The following DOK3 variants were observed in gnomAD, a reference collection of about 807,000 sequenced individuals.
DOK3 encodes the protein Dok-like protein.
DOK3 carries 23 observed loss-of-function variants against 26.2 expected under a neutral mutation model. That is an observed-to-expected ratio of 0.88 (90% CI 0.63 to 1.24). The LOEUF (loss-of-function observed/expected upper bound fraction) is 1.24, where lower values mean the gene tolerates loss of function less well. Among genes scored for constraint, DOK3 ranks in the 50% most tolerant of loss-of-function variants. The pLI is 0.00. For synonymous variants in DOK3, 268 were observed against 268.2 expected (o/e 1.00, Z 0.01); for missense variants, 619 against 610.6 (o/e 1.01, Z -0.15).
chr5:177,509,396 T>A, intron 2 of DOK3, 79 bp downstream of exon 2: 2 of 1,531,032 alleles, frequency 1.3e-6, no homozygotes, highest in Non-Finnish European at 1.8e-6. Flanking sequence ...CTGCCTGGGC[T>A]GTCCGAGGCA....
rs1450419965 is a variant in DOK3, at chr5:177,508,304, C to T, written c.305G>A (p.Arg102Gln). 5.1e-6 allele frequency: 8 copies of T among 1,582,190 alleles called. No individual in the cohort carries two copies. The highest frequency in any genetic ancestry group is 2.3e-5 in the East Asian group (1 of 44,108). Reference protein sequence around the residue: ...TGAFLLTTTERSHLLAAQHRQ... With the variant: ...TGAFLLTTTEQSHLLAAQHRQ... ...GTGCTGAGCAGCCAGTAGATGGCTT[C>T]GCTCGGTGGTGGTGAGCAGGAAGGC... Residue 102 changes from arginine (R) to glutamine (Q), a missense_variant, in exon 3 of 6, where the codon CGA becomes CAA. Arg to Gln is a conservative substitution (Grantham distance 43). Coordinates refer to ENST00000510898, the MANE Select transcript of DOK3 (RefSeq NM_001308236.3).
intron 3 of DOK3, 25 bp downstream of exon 3, chr5:177,508,212 T>C: frequency 7.6e-7 from 1 of 1,307,764 alleles, no homozygotes; most frequent in East Asian, 2.9e-5. Context: ...CCCAGCCCAA[T>C]CGCCCCCCTG....
chr5:177,502,346 G>C lies in DOK3; in HGVS notation c.*1637C>G, dbSNP rs780007200. On this transcript the variant is annotated 3_prime_UTR_variant, in exon 6 of 6. Coordinates refer to ENST00000510898, the MANE Select transcript of DOK3 (RefSeq NM_001308236.3). ...GAAACAGAGGTGGCCGAAGAGGAAT[G>C]TGAGGTCAAGGGAAGGTTTAAAATG... is the stretch of plus-strand genomic sequence containing the variant. The C allele has an allele frequency of 6.6e-6, 1 of 152,432 alleles. No homozygotes were observed. Among genetic ancestry groups the C allele is most frequent in the East Asian group, 1.9e-4 (1 of 5,188 alleles). The allele number at this position is 152,432 out of a possible 1,614,324, so 9.4% of individuals were successfully genotyped here.
In DOK3 at chr5:177,502,944, C is replaced by T. The variant is rs747755116; in HGVS notation, c.*1039G>A. ...TCGACATGCCTAGGCAGGGGCGGTA[C>T]TGGCCGCACTAAAGGAAGTGAGCTG... On this transcript the variant is annotated 3_prime_UTR_variant, in exon 6 of 6. Transcript: ENST00000510898. The T allele has an allele frequency of 6.3e-6, 7 of 1,106,618 alleles. No homozygotes were observed. Among genetic ancestry groups the T allele is most frequent in the Non-Finnish European group, 8.9e-6 (7 of 785,110 alleles). 68.5% of individuals were successfully genotyped at this position (1,106,618 alleles called of 1,614,324 possible).
rs1759529722 is a variant in DOK3, at chr5:177,503,175, AGG to A, written c.*806_*807del. 3.9e-5 allele frequency: 56 copies of A among 1,433,204 alleles called. No individual in the cohort carries two copies. Among genetic ancestry groups the A allele is most frequent in the Non-Finnish European group, 5.3e-5 (55 of 1,047,492 alleles). 88.8% of individuals were successfully genotyped at this position (1,433,204 alleles called of 1,614,324 possible). On this transcript the variant is annotated 3_prime_UTR_variant, in exon 6 of 6. Transcript: ENST00000510898. ...ATGGCGCCAGGAGCAGGAGCAGAGG[AGG>A]GAACGCAGCATGGAAGTCTTCAGGA...
At chr5:177,507,865 G>A (rs1022998390) in intron 3 of DOK3, among the ~76,000 whole-genome samples, 3 of 152,116 alleles carry the variant, frequency 2.0e-5, no homozygotes, top group Non-Finnish European at 1.5e-5. Context: ...CAGCCACGTC[G>A]CCTTCTTTCT....
At chr5:177,508,211 A>G (rs1157617294) in intron 3 of DOK3, 26 bp downstream of exon 3, 20 of 1,311,264 alleles carry the variant, frequency 1.5e-5, no homozygotes, top group Admixed American at 1.1e-4. Context: ...CCCCAGCCCA[A>G]TCGCCCCCCT....
In DOK3 at chr5:177,504,073, G is replaced by A. The variant is rs774135464; in HGVS notation, c.1233C>T (p.Arg411=). Residue 411 remains arginine, a synonymous_variant, in exon 6 of 6, where the codon CGC becomes CGT. Coordinates refer to ENST00000510898, the MANE Select transcript of DOK3 (RefSeq NM_001308236.3). ...CCTTGAAACCTGCCTGAGGGTCAGG[G>A]CGGCCTGTGCCCTCCACCTGATCCA... ...LELDQVEGTG[R]PDPQAGFKAK... 1.2e-6 allele frequency: 2 copies of A among 1,609,164 alleles called. No homozygotes were observed. Among genetic ancestry groups the A allele is most frequent in the Admixed American group, 1.7e-5 (1 of 59,520 alleles).
In DOK3 at chr5:177,505,074, G is replaced by A. The variant is rs757712180; in HGVS notation, c.409C>T (p.Gln137Ter). ...GGGACCAGGCCCCTCTTGGGAGACT[G>A]GGCATCTGTGGATCCTGAGGAGGCC... ...GEASSGSTDA[Q>*]SPKRGLVPME... Residue 137 changes from glutamine to a stop codon, truncating the protein, a stop_gained, in exon 4 of 6, where the codon CAG becomes TAG. Transcript: ENST00000510898. LOFTEE classifies it high-confidence loss of function. 6.2e-7 allele frequency: 1 copy of A among 1,612,176 alleles called. No homozygotes were observed. Among genetic ancestry groups the A allele is most frequent in the South Asian group, 1.1e-5 (1 of 90,852 alleles).
At position 177,504,762 on chromosome 5, in the gene DOK3, C is replaced by A. The variant is rs1472702116; in HGVS notation, c.626G>T (p.Arg209Leu). The A allele has an allele frequency of 2.5e-6, 4 of 1,613,930 alleles. No individual in the cohort carries two copies. In the Admixed American group the frequency reaches 6.7e-5, roughly 27 times the overall value. ...CCTCACCTTGTCGGAGCCGAACTTGCGCAGGAAGTGGTAGGGCCAGCTGTA... is the reference window on the plus strand; with the variant it reads ...CCTCACCTTGTCGGAGCCGAACTTGAGCAGGAAGTGGTAGGGCCAGCTGTA... ...ALYSWPYHFL[R>L]KFGSDKGVFS... The change falls in exon 5 of 6, where the codon CGC becomes CTC. Residue 209 changes from arginine to leucine, a missense_variant. Arg to Leu is a moderately radical substitution (Grantham distance 102). Transcript: ENST00000510898.
In DOK3 at chr5:177,502,596, A is replaced by G. The variant is rs571426720; in HGVS notation, c.*1387T>C. 4.9e-5 allele frequency: 8 copies of G among 162,902 alleles called. No homozygotes were observed. In the East Asian group the frequency reaches 1.3e-3, roughly 26 times the overall value. 10.1% of individuals were successfully genotyped at this position (162,902 alleles called of 1,614,324 possible). A position where few individuals can be genotyped will look rare whatever the true frequency, so the allele number is the denominator to read the frequency against. ...TGGGAGAGCCCGACCTGTTTCCCCA[A>G]TATGCCTGTGAGGAGACATTGGGTG... On this transcript the variant is annotated 3_prime_UTR_variant, in exon 6 of 6. Coordinates refer to ENST00000510898, the MANE Select transcript of DOK3 (RefSeq NM_001308236.3).
intron 2 of DOK3, chr5:177,508,753 T>A (rs984092401): frequency 8.4e-6 from 4 of 478,492 alleles, no homozygotes; most frequent in Middle Eastern, 5.4e-4. Flanking sequence ...AACTGTGACC[T>A]CCACAAGCAT....
At chr5:177,506,766 G>A (rs1368821048) in intron 3 of DOK3, among the ~76,000 whole-genome samples, 2 of 135,494 alleles carry the variant, frequency 1.5e-5, no homozygotes, top group South Asian at 2.3e-4. Flanking sequence ...TCGGCTCACC[G>A]CAACCTCTGC....
At chr5:177,508,815 G>A (rs1760586513) in intron 2 of DOK3, 3 of 398,188 alleles carry the variant, frequency 7.5e-6, no homozygotes, top group Non-Finnish European at 9.0e-6. Context: ...CTGCTACTGG[G>A]TCATGTTTGT....
At chr5:177,509,296 T>C in intron 2 of DOK3, 179 bp downstream of exon 2, 1 of 724,066 alleles carries the variant, frequency 1.4e-6, no homozygotes, top group South Asian at 2.0e-5. Context: ...GCTCAGCCCC[T>C]GCCGTCTCAG....
chr5:177,509,666 C>G lies in DOK3; in HGVS notation c.-117-9G>C, dbSNP rs375407747. On this transcript the variant is annotated splice_polypyrimidine_tract_variant and intron_variant, in intron 1 of 5. Coordinates refer to ENST00000510898, the MANE Select transcript of DOK3 (RefSeq NM_001308236.3). ...CCTCCGTCTAGAGACAGCTGCAGGC[C>G]GGGGGGAGGGGAGCCTGTCTTCAGC... The G allele has an allele frequency of 6.9e-6, 11 of 1,589,416 alleles. No individual in the cohort carries two copies. Among genetic ancestry groups the G allele is most frequent in the African/African-American group, 1.3e-5 (1 of 74,510 alleles).
rs199714101 is a variant in DOK3, at chr5:177,505,095, A to G, written c.388T>C (p.Ser130Pro). 2.0e-5 allele frequency: 32 copies of G among 1,610,524 alleles called. No individual in the cohort carries two copies. The highest frequency in any genetic ancestry group is 1.5e-4 in the South Asian group (14 of 90,704). ...QLAFPGTGEA[S>P]SGSTDAQSPK... Reference sequence around the variant, plus strand: ...GACTGGGCATCTGTGGATCCTGAGGAGGCCTCCCCTGTCCCCTGGGGAATG... The same window carrying G: ...GACTGGGCATCTGTGGATCCTGAGGGGGCCTCCCCTGTCCCCTGGGGAATG... The change falls in exon 4 of 6, where the codon TCC becomes CCC. Residue 130 changes from serine to proline, a missense_variant. Coordinates refer to ENST00000510898, the MANE Select transcript of DOK3 (RefSeq NM_001308236.3).
chr5:177,504,141 T>G lies in DOK3; in HGVS notation c.1165A>C (p.Asn389His). ...GQDLSWPGPA[N>H]DSTLEAQYRR... ...TACTGGGCCTCCAGGGTACTGTCGTTGGCCGGGCCGGGCCAGCTCAAGTCC... is the reference window on the plus strand; with the variant it reads ...TACTGGGCCTCCAGGGTACTGTCGTGGGCCGGGCCGGGCCAGCTCAAGTCC... The change falls in exon 6 of 6, where the codon AAC (asparagine) becomes CAC (histidine). Residue 389 changes from asparagine (N) to histidine (H), a missense_variant. Physicochemically the swap from Asn to His is moderately conservative, Grantham distance 68. Transcript: ENST00000510898. The G allele has an allele frequency of 1.2e-6, 2 of 1,613,904 alleles. No individual in the cohort carries two copies. The highest frequency in any genetic ancestry group is 1.7e-6 in the Non-Finnish European group (2 of 1,179,886).
At chr5:177,507,217 A>C in intron 3 of DOK3, among the ~76,000 whole-genome samples, 1 of 147,496 alleles carries the variant, frequency 6.8e-6, no homozygotes, top group African/African-American at 2.5e-5. Context: ...GGGTCTCACT[A>C]TGTTGCCCAG....
Sources: allele counts gnomAD v4.1 joint callset (sites outside exome capture counted in the v4.1 genomes callset), GRCh38; gene constraint gnomAD v4.1.1; transcripts MANE v1.5; gene names NCBI Gene and HGNC (gene_info 2026-07-23, HGNC 2026-07-21).